Variants in PDCD6IP observed in about 807,000 individuals in gnomAD.
The protein encoded by PDCD6IP is programmed cell death 6-interacting protein.
In PDCD6IP, 43 loss-of-function variants were observed where a neutral mutation model predicts 103.7. The ratio of observed to expected loss-of-function variants is 0.41; its 90% CI spans 0.32 to 0.53. The LOEUF (loss-of-function observed/expected upper bound fraction) is 0.53. Among genes scored for constraint, PDCD6IP ranks in the 20% least tolerant of loss-of-function variants. The pLI, the probability that PDCD6IP is intolerant of heterozygous loss-of-function variation, is 0.16. For synonymous variants in PDCD6IP, 354 were observed against 378.7 expected, an observed-to-expected ratio of 0.93 and a Z score of 0.76; for missense variants, 871 against 1,036.7, an observed-to-expected ratio of 0.84 and a Z score of 2.20.
chr3:33,852,369 C>T lies in PDCD6IP; in HGVS notation c.1642-119C>T, dbSNP rs555599945. ...AACCTGACGTTCAATTTATATTTGG[C>T]TCTCTGAGAAATCATCTCTCTCTCA... On this transcript the variant is annotated intron_variant, in intron 12 of 17. Coordinates refer to ENST00000307296, the MANE Select transcript of PDCD6IP (RefSeq NM_013374.6). 7.1e-6 allele frequency: 10 copies of T among 1,414,288 alleles called. No homozygotes were observed. In the African/African-American group the frequency reaches 7.3e-5, roughly 10 times the overall value. The allele number at this position is 1,414,288 out of a possible 1,614,324, so 87.6% of individuals were successfully genotyped here.
intron 1 of PDCD6IP, among the ~76,000 whole-genome samples, chr3:33,811,376 G>C (rs1246616406): frequency 6.6e-6 from 1 of 152,190 alleles, no homozygotes; most frequent in Non-Finnish European, 1.5e-5. Context: ...AAATACCCCT[G>C]ATGAAGGGGT....
At chr3:33,862,048 A>G (rs534452953) in intron 15 of PDCD6IP, among the ~76,000 whole-genome samples, 11 of 152,294 alleles carry the variant, frequency 7.2e-5, no homozygotes, top group Non-Finnish European at 1.6e-4. Flanking sequence ...CTAGGAAATT[A>G]TCATTTGCTC....
rs1697485346 is a variant in PDCD6IP at position 33,841,959 on chromosome 3, A to G, written c.1244A>G (p.Gln415Arg). 4.4e-6 allele frequency: 7 copies of G among 1,581,400 alleles called. No homozygotes were observed. Among genetic ancestry groups the G allele is most frequent in the African/African-American group, 1.3e-5 (1 of 74,376 alleles). ...GATGTGTCTGGAGACACTGTACCTC[A>G]GTCTATATTGACTAAATCCAGATCT... is the stretch of plus-strand genomic sequence containing the variant. ...IEDVSGDTVP[Q>R]SILTKSRSVI... Residue 415 changes from glutamine (Q) to arginine (R), a missense_variant, in exon 10 of 18, where the codon CAG becomes CGG. By Grantham distance (43) the Gln-to-Arg change is conservative. Around this residue, in one of 5 missense-constraint regions of PDCD6IP, gnomAD observed 266 missense variants for 390.5 expected, o/e 0.68. Transcript: ENST00000307296.
chr3:33,842,948 T>A lies in PDCD6IP; in HGVS notation c.1359+874T>A, dbSNP rs186324309. Among the ~76,000 whole-genome samples the A allele has an allele frequency of 2.0e-5, 3 of 152,380 alleles. No homozygotes were observed. The East Asian group carries it at 5.8e-4, about 29-fold the overall frequency. ...CATTGAGATCTGGGTTTAAGGTGAA[T>A]TCTAGAAAGAATTTGTGTTTGCTTC... On this transcript the variant is annotated intron_variant, in intron 10 of 17. Coordinates refer to ENST00000307296, the MANE Select transcript of PDCD6IP (RefSeq NM_013374.6).
At position 33,836,246 on chromosome 3, in the gene PDCD6IP, C is replaced by T. The variant is rs1448879819; in HGVS notation, c.1037C>T (p.Pro346Leu). 6.2e-7 allele frequency: 1 copy of T among 1,602,706 alleles called. No individual in the cohort carries two copies. Among genetic ancestry groups the T allele is most frequent in the South Asian group, 1.1e-5 (1 of 90,736 alleles). The change falls in exon 8 of 18, where the codon CCC becomes CTC. Residue 346 changes from proline (P) to leucine (L), a missense_variant. By Grantham distance (98) the Pro-to-Leu change is moderately conservative. Coordinates refer to ENST00000307296, the MANE Select transcript of PDCD6IP (RefSeq NM_013374.6). Reference sequence around the variant, plus strand: ...GTGAAATCTACCCCGGTCAATGTACCCATCAGTCAGAAATTTACTGGTATG... The same window carrying T: ...GTGAAATCTACCCCGGTCAATGTACTCATCAGTCAGAAATTTACTGGTATG... ...TLVKSTPVNV[P>L]ISQKFTDLFE... is the part of the protein sequence containing the mutation.
At chr3:33,803,640 CAT>C (rs1284845535) in intron 1 of PDCD6IP, among the ~76,000 whole-genome samples, 3 of 152,118 alleles carry the variant, frequency 2.0e-5, no homozygotes, top group East Asian at 3.8e-4. Flanking sequence ...GTTGTCATCT[CAT>C]AATCTGTAGT....
intron 15 of PDCD6IP, among the ~76,000 whole-genome samples, chr3:33,859,129 C>T (rs994800020): frequency 2.0e-5 from 3 of 152,090 alleles, no homozygotes; most frequent in Non-Finnish European, 4.4e-5. Flanking sequence ...CAAATACATA[C>T]GTGAATTTAG....
chr3:33,864,114 G>T lies in PDCD6IP; in HGVS notation c.2229G>T (p.Ala743=), dbSNP rs779305954. Residue 743 remains alanine (A), a synonymous_variant, in exon 16 of 18, where the codon GCG becomes GCT. Transcript: ENST00000307296. ...GGHAPTPPTP[A]PRTMPPTKPQ... ...ATGCACCAACTCCTCCAACTCCAGC[G>T]CCAAGAACCATGCCGGTTAGTAGGC... The T allele has an allele frequency of 6.3e-7, 1 of 1,595,070 alleles. No individual in the cohort carries two copies. The highest frequency in any genetic ancestry group is 1.7e-5 in the Admixed American group (1 of 59,802).
At chr3:33,809,660 C>T (rs1696674426) in intron 1 of PDCD6IP, among the ~76,000 whole-genome samples, 1 of 152,222 alleles carries the variant, frequency 6.6e-6, no homozygotes, top group Admixed American at 6.5e-5. Flanking sequence ...CTGTAGAATT[C>T]ATTCAAATAT....
chr3:33,852,016 T>C (rs563980980), intron 12 of PDCD6IP, among the ~76,000 whole-genome samples: 8 of 152,240 alleles, frequency 5.3e-5, no homozygotes, highest in African/African-American at 9.6e-5. Flanking sequence ...ACAGCCATGA[T>C]TGGGAGGGAG....
At chr3:33,821,735 C>A (rs766171001) in intron 3 of PDCD6IP, among the ~76,000 whole-genome samples, 1 of 152,176 alleles carries the variant, frequency 6.6e-6, no homozygotes, top group Non-Finnish European at 1.5e-5. Flanking sequence ...GAATAACTTA[C>A]TGTTCTTCAG....
At chr3:33,834,391 A>C (rs909534892) in intron 7 of PDCD6IP, among the ~76,000 whole-genome samples, 4 of 152,052 alleles carry the variant, frequency 2.6e-5, no homozygotes, top group African/African-American at 9.7e-5. Flanking sequence ...AGTGTTTGCT[A>C]TTTGGGGGAG....
intron 5 of PDCD6IP, among the ~76,000 whole-genome samples, chr3:33,825,573 A>T (rs1214480526): frequency 6.6e-6 from 1 of 152,084 alleles, no homozygotes; most frequent in Non-Finnish European, 1.5e-5. Context: ...GTCTTTAAAC[A>T]CTCCATTCTG....
At chr3:33,833,086 A>G (rs112922471) in intron 7 of PDCD6IP, among the ~76,000 whole-genome samples, 6,102 of 152,212 alleles carry the variant, frequency 0.04, 187 homozygotes, top group Middle Eastern at 0.071. Context: ...TATCTCACGT[A>G]TCATTTCATT....
intron 7 of PDCD6IP, among the ~76,000 whole-genome samples, chr3:33,833,740 T>C (rs1180420304): frequency 6.6e-6 from 1 of 152,218 alleles, no homozygotes; most frequent in Non-Finnish European, 1.5e-5. Context: ...TGGAAAGATA[T>C]ACTGCTTGTT....
intron 15 of PDCD6IP, among the ~76,000 whole-genome samples, chr3:33,857,369 C>G (rs1015252107): frequency 6.6e-6 from 1 of 151,980 alleles, no homozygotes; most frequent in African/African-American, 2.4e-5. Context: ...TTAGTAGAGA[C>G]AGGGTTTCAC....
rs1698065081 is a variant in PDCD6IP at position 33,866,373 on chromosome 3, ATGGG to A, written c.2456_2459del (p.Met819ThrfsTer58). The A allele has an allele frequency of 6.3e-7, 1 of 1,576,166 alleles. No individual in the cohort carries two copies. Among genetic ancestry groups the A allele is most frequent in the Non-Finnish European group, 8.6e-7 (1 of 1,163,600 alleles). ...CAGGTATTGCCAAATGCCCATGCCC[ATGGG>A]CTATAATCCTTATGCGTATGGCCAG... On this transcript the variant is annotated frameshift_variant, in exon 18 of 18. Coordinates refer to ENST00000307296, the MANE Select transcript of PDCD6IP (RefSeq NM_013374.6). LOFTEE classifies it high-confidence loss of function.
At position 33,798,645 on chromosome 3, in the gene PDCD6IP, C is replaced by G; in HGVS notation, c.-84C>G. 7.8e-7 allele frequency: 1 copy of G among 1,277,990 alleles called. No individual in the cohort carries two copies. Among genetic ancestry groups the G allele is most frequent in the Non-Finnish European group, 1.1e-6 (1 of 950,212 alleles). 79.2% of individuals were successfully genotyped at this position (1,277,990 alleles called of 1,614,324 possible). A position where few individuals can be genotyped will look rare whatever the true frequency, so the allele number is the denominator to read the frequency against. On this transcript the variant is annotated 5_prime_UTR_variant, in exon 1 of 18. Coordinates refer to ENST00000307296, the MANE Select transcript of PDCD6IP (RefSeq NM_013374.6). ...TCTGTCAGCCAGTCAGTCCGCCAGT[C>G]CGCCAGCCCAGTACCTCTCTCTCCT...
At chr3:33,799,018 A>C in intron 1 of PDCD6IP, 81 bp downstream of exon 1, 1 of 1,287,104 alleles carries the variant, frequency 7.8e-7, no homozygotes, top group Non-Finnish European at 1.1e-6. Flanking sequence ...CCTTCCTTCA[A>C]TCCTGTAACC....
Sources: allele counts gnomAD v4.1 joint callset (sites outside exome capture counted in the v4.1 genomes callset), GRCh38; gene constraint gnomAD v4.1.1; regional missense constraint gnomAD v4.1.1; transcripts MANE v1.5; gene names NCBI Gene and HGNC (gene_info 2026-07-23, HGNC 2026-07-21).